Variants in WTAP observed in about 807,000 individuals in gnomAD.
WTAP encodes the protein WT1 associated protein.
A neutral mutation model predicts 50.0 loss-of-function variants in WTAP; 8 were observed. The observed-to-expected ratio is 0.16, with a 90% CI of 0.09 to 0.29. WTAP has a LOEUF of 0.29. Among genes scored for constraint, WTAP ranks in the 10% least tolerant of loss-of-function variants. The probability of loss-of-function intolerance (pLI) is 1.00; values close to 1 mark genes in which losing one functional copy is unlikely to be tolerated. For missense variants in WTAP, 295 were observed against 470.7 expected, an observed-to-expected ratio of 0.63 and a Z score of 3.45; for synonymous variants, 194 against 169.0, an observed-to-expected ratio of 1.15 and a Z score of -1.15.
At chr6:159,727,374 T>TGGCAGGAGGCGGGAGGCGGGAGGCGGGG, upstream of WTAP, 1 of 1,032,512 alleles carries the variant, frequency 9.7e-7, no homozygotes, top group Non-Finnish European at 1.2e-6. Context: ...GCGGGGAGGC[T>TGGCAGGAGGCGGGAGGCGGGAGGCGGGG]GGCGGGAGGC....
upstream of WTAP, chr6:159,727,253 T>C: frequency 7.8e-7 from 1 of 1,282,614 alleles, no homozygotes; most frequent in Middle Eastern, 2.1e-4. Flanking sequence ...GCCGACGGCC[T>C]CCCTCCCTTC....
Position 159,755,363 on chromosome 6 carries a change from A to C in WTAP, c.943A>C (p.Asn315His). 1 of 1,614,262 alleles carries C rather than the reference A, an allele frequency of 6.2e-7. No individual in the cohort carries two copies. Among genetic ancestry groups the C allele is most frequent in the Non-Finnish European group, 8.5e-7 (1 of 1,180,050 alleles). ...TCCAGGGAATGGTAATAAGTCCTCC[A>C]ACAGCTCAGAGGAGAGAACTGGCAG... is the stretch of plus-strand genomic sequence containing the variant. Reference protein sequence around the residue: ...SSPGNGNKSSNSSEERTGRGG... With the variant: ...SSPGNGNKSSHSSEERTGRGG... Residue 315 changes from asparagine to histidine, a missense_variant, in exon 8 of 8, where the codon AAC (asparagine) becomes CAC (histidine). Asn to His is a moderately conservative substitution (Grantham distance 68). Around this residue, in one of 2 missense-constraint regions of WTAP, gnomAD observed 175 missense variants for 183.1 expected, o/e 0.96. Transcript: ENST00000621533.
intron 2 of WTAP, 54 bp from the exon 3 acceptor site, chr6:159,738,936 G>A (rs1300472731): frequency 5.9e-6 from 8 of 1,359,688 alleles, no homozygotes; most frequent in Non-Finnish European, 7.3e-6. Flanking sequence ...TCTCATTATA[G>A]AACTTTGTGT....
intron 6 of WTAP, among the ~76,000 whole-genome samples, chr6:159,750,219 C>T (rs966596449): frequency 3.3e-5 from 5 of 152,154 alleles, no homozygotes; most frequent in African/African-American, 9.7e-5. Context: ...TTTAAGTTCA[C>T]AGTAGAAATG....
intron 6 of WTAP, among the ~76,000 whole-genome samples, chr6:159,752,622 C>T (rs1779862802): frequency 6.6e-6 from 1 of 151,880 alleles, no homozygotes; most frequent in Non-Finnish European, 1.5e-5. Context: ...ATTTTTGTGT[C>T]AAAAGGATGA....
At chr6:159,731,443 G>A (rs974266263) in intron 1 of WTAP, among the ~76,000 whole-genome samples, 2 of 152,182 alleles carry the variant, frequency 1.3e-5, no homozygotes, top group Admixed American at 1.3e-4. Context: ...ACTCCAGCCT[G>A]GGCGACAGAG....
At chr6:159,732,886 A>ATAGTGTGTGTGTGTGTGTGTGTGT (rs146623701) in intron 1 of WTAP, among the ~76,000 whole-genome samples, 1 of 146,488 alleles carries the variant, frequency 6.8e-6, no homozygotes, top group African/African-American at 2.6e-5. Context: ...ATATATATAT[A>ATAGTGTGTGTGTGTGTGTGTGTGT]GTGTGTGTGT....
At chr6:159,754,079 T>G (rs1476327879) in intron 7 of WTAP, among the ~76,000 whole-genome samples, 2 of 152,234 alleles carry the variant, frequency 1.3e-5, no homozygotes, top group African/African-American at 4.8e-5. Context: ...AGATAAAACT[T>G]GTCAGCCTCC....
intron 6 of WTAP, chr6:159,749,203 T>C (rs1406739382): frequency 5.1e-6 from 5 of 985,750 alleles, no homozygotes; most frequent in South Asian, 9.4e-5. Flanking sequence ...TGAAGCATTA[T>C]AAACATTCAT....
intron 7 of WTAP, among the ~76,000 whole-genome samples, chr6:159,754,409 A>C (rs1252751473): frequency 6.6e-6 from 1 of 152,150 alleles, no homozygotes; most frequent in Non-Finnish European, 1.5e-5. Context: ...CTGGATCAGG[A>C]ATAAGGGGAT....
chr6:159,727,501 G>C (rs905553549), upstream of WTAP: 1 of 993,232 alleles, frequency 1.0e-6, no homozygotes, highest in African/African-American at 1.8e-5. Flanking sequence ...GCGGGGCCTG[G>C]TTTCCTCCCT....
At chr6:159,754,285 G>A (rs923597141) in intron 7 of WTAP, among the ~76,000 whole-genome samples, 2 of 152,192 alleles carry the variant, frequency 1.3e-5, no homozygotes, top group African/African-American at 4.8e-5. Context: ...ATTATTTCCT[G>A]TGACTTTTGT....
chr6:159,747,893 T>TAA (rs747463318), intron 5 of WTAP, among the ~76,000 whole-genome samples: 23 of 151,688 alleles, frequency 1.5e-4, no homozygotes, highest in Non-Finnish European at 3.2e-4. Context: ...TAACCTTAAA[T>TAA]AGTTATTTTT....
Position 159,730,497 on chromosome 6 carries a change from G to A in WTAP, c.-9+2794G>A, listed in dbSNP as rs773646684. On this transcript the variant is annotated intron_variant, in intron 1 of 7. Transcript: ENST00000621533. ...AAACTTCTCGGTACATTCGTGTGGT[G>A]TGAAAGTCAAAATTGCCAATTAGGT... is the stretch of plus-strand genomic sequence containing the variant. 2.9e-4 allele frequency among the ~76,000 whole-genome samples: 44 copies of A among 152,294 alleles called. 1 individual carries two copies. Among genetic ancestry groups the A allele is most frequent in the Middle Eastern group, 6.8e-3 (2 of 294 alleles).
At chr6:159,745,220 C>T (rs767549643) in intron 5 of WTAP, 8 of 152,164 alleles carry the variant, frequency 5.3e-5, no homozygotes, top group Admixed American at 2.0e-4. Context: ...AATTCCATTT[C>T]TCTTCCGGAT....
At position 159,755,469 on chromosome 6, in the gene WTAP, C is replaced by T. The variant is rs1779967896; in HGVS notation, c.1049C>T (p.Thr350Ile). The T allele has an allele frequency of 2.5e-6, 4 of 1,614,050 alleles. No individual in the cohort carries two copies. Among genetic ancestry groups the T allele is most frequent in the Admixed American group, 1.7e-5 (1 of 59,998 alleles). Residue 350 changes from threonine (T) to isoleucine (I), a missense_variant, in exon 8 of 8, where the codon ACA becomes ATA. Around this residue, in one of 2 missense-constraint regions of WTAP, gnomAD observed 175 missense variants for 183.1 expected, o/e 0.96. Transcript: ENST00000621533. Reference sequence around the variant, plus strand: ...CCCACGGGCAGTGAAAACTCTCTCACACACCAATCAAATGACACAGACTCC... The same window carrying T: ...CCCACGGGCAGTGAAAACTCTCTCATACACCAATCAAATGACACAGACTCC... ...DSPTGSENSL[T>I]HQSNDTDSSH...
At chr6:159,741,394 A>G (rs1200218920) in intron 3 of WTAP, among the ~76,000 whole-genome samples, 1 of 152,224 alleles carries the variant, frequency 6.6e-6, no homozygotes, top group Non-Finnish European at 1.5e-5. Flanking sequence ...GAAGAGTCAC[A>G]TGGTATTTTC....
Position 159,755,536 on chromosome 6 carries a change from T to C in WTAP, c.1116T>C (p.Gly372=), listed in dbSNP as rs765069337. Residue 372 remains glycine, a synonymous_variant, in exon 8 of 8, where the codon GGT becomes GGC. Transcript: ENST00000621533. ...PQEEKAVSGK[G]NRTVGSRHVQ... Reference sequence around the variant, plus strand: ...AGGAGAAAGCAGTGAGTGGGAAAGGTAATCGAACTGTGGGTTCCCGCCACG... The same window carrying C: ...AGGAGAAAGCAGTGAGTGGGAAAGGCAATCGAACTGTGGGTTCCCGCCACG... 6.2e-7 allele frequency: 1 copy of C among 1,614,124 alleles called. No individual in the cohort carries two copies. The highest frequency in any genetic ancestry group is 8.5e-7 in the Non-Finnish European group (1 of 1,180,028).
At chr6:159,731,029 T>G (rs1003450844) in intron 1 of WTAP, 2 of 151,536 alleles carry the variant, frequency 1.3e-5, no homozygotes, top group Non-Finnish European at 2.9e-5. Context: ...TAGTTCCAGC[T>G]CCTTGGGAGG....
Sources: gnomAD v4.1 joint callset for allele counts (sites outside exome capture counted in the v4.1 genomes callset) on GRCh38, gnomAD v4.1.1 for gene constraint, gnomAD v4.1.1 regional missense constraint, MANE v1.5 for transcripts, NCBI Gene and HGNC (gene_info 2026-07-23, HGNC 2026-07-21) for gene names.